RRN3: variants seen among roughly 807,000 people sequenced by gnomAD.
RRN3 encodes RNA polymerase I-specific transcription initiation factor RRN3.
In RRN3, 38 loss-of-function variants were observed where a neutral mutation model predicts 82.3. The observed-to-expected ratio is 0.46, with a 90% CI of 0.36 to 0.61. RRN3 has a LOEUF of 0.61. Ranked by LOEUF, RRN3 falls within the 20% of genes least tolerant of loss-of-function variation. The probability of loss-of-function intolerance (pLI) is 0.00; values close to 1 mark genes in which losing one functional copy is unlikely to be tolerated. For synonymous variants in RRN3, 284 were observed against 284.3 expected (o/e 1.00, Z 0.01); for missense variants, 726 against 793.1 (o/e 0.92, Z 1.02).
chr16:15,082,991 A>G (rs1248362726), intron 8 of RRN3, among the ~76,000 whole-genome samples: 3 of 151,922 alleles, frequency 2.0e-5, no homozygotes, highest in Non-Finnish European at 1.5e-5. Flanking sequence ...CTTGACTTGC[A>G]CATAGTAATA....
At position 15,092,614 on chromosome 16, in the gene RRN3, C is replaced by T. The variant is rs1212272693; in HGVS notation, c.90G>A (p.Gly30=). The stretch of plus-strand genomic sequence containing the variant: ...TCTCTAATGCACGCATATTTGAAAT[C>T]CTGTGGAACCAAGATTAACAAGCTA... ...AVKKLGASRT[G]ISNMRALEND... Residue 30 remains glycine, a splice_region_variant and synonymous_variant, in exon 2 of 18, where the codon GGG becomes GGA. Transcript: ENST00000198767. 1 of 1,572,722 alleles carries T rather than the reference C, an allele frequency of 6.4e-7. No individual in the cohort carries two copies. Among genetic ancestry groups the T allele is most frequent in the Admixed American group, 1.7e-5 (1 of 59,288 alleles).
chr16:15,083,609 A>T (rs1053453580), intron 7 of RRN3, 27 bp from the exon 8 acceptor site: 1 of 1,587,470 alleles, frequency 6.3e-7, no homozygotes, highest in Non-Finnish European at 8.6e-7. Flanking sequence ...AAATCAATCC[A>T]TGTTAACTTT....
chr16:15,092,122 T>C (rs1208604563), intron 2 of RRN3, among the ~76,000 whole-genome samples: 2 of 152,118 alleles, frequency 1.3e-5, no homozygotes, highest in Non-Finnish European at 2.9e-5. Flanking sequence ...GAGGATGCAG[T>C]GAGCCGAGGT....
At chr16:15,081,269 A>G (rs1485192376) in intron 8 of RRN3, among the ~76,000 whole-genome samples, 1 of 152,202 alleles carries the variant, frequency 6.6e-6, no homozygotes, top group Non-Finnish European at 1.5e-5. Context: ...TTAATTCTAC[A>G]TTTAACCTTG....
At chr16:15,089,101 G>T (rs899254621) in intron 3 of RRN3, among the ~76,000 whole-genome samples, 1 of 151,938 alleles carries the variant, frequency 6.6e-6, no homozygotes, top group African/African-American at 2.4e-5. Flanking sequence ...TCAGGAGTTC[G>T]AGAGCAGCCT....
rs370536448 is a variant in RRN3, at chr16:15,061,859, G to A, written c.1841C>T (p.Pro614Leu). The A allele has an allele frequency of 5.0e-6, 8 of 1,613,682 alleles. No individual in the cohort carries two copies. Among genetic ancestry groups the A allele is most frequent in the Admixed American group, 1.7e-5 (1 of 60,024 alleles). The stretch of plus-strand genomic sequence containing the variant: ...GATCCCAATCACGGTATCATTCTGG[G>A]GCACTTCGCCTTTCAGAAAGTCATC... The part of the protein sequence containing the change: ...EDDDFLKGEV[P>L]QNDTVIGITP... Residue 614 changes from proline to leucine, a missense_variant, in exon 18 of 18, where the codon CCC (proline) becomes CTC (leucine). By Grantham distance (98) the Pro-to-Leu change is moderately conservative. Transcript: ENST00000198767.
chr16:15,083,785 C>A, intron 7 of RRN3: 1 of 565,002 alleles, frequency 1.8e-6, no homozygotes, highest in Non-Finnish European at 3.0e-6. Context: ...GGCGCAATCT[C>A]AGCTCACTGC....
At chr16:15,063,310 T>C in intron 16 of RRN3, 27 bp from the exon 17 acceptor site, 1 of 1,526,060 alleles carries the variant, frequency 6.6e-7, no homozygotes, top group Non-Finnish European at 9.1e-7. Context: ...CATTTCAAAG[T>C]CAAGTTAAAT....
intron 8 of RRN3, among the ~76,000 whole-genome samples, chr16:15,080,590 C>A (rs2045657451): frequency 6.6e-6 from 1 of 152,142 alleles, no homozygotes. Flanking sequence ...CACACCACCA[C>A]ATGAGGTTAA....
At position 15,094,184 on chromosome 16, in the gene RRN3, G is replaced by C. The variant is rs142932327; in HGVS notation, c.50C>G (p.Ser17Trp). The C allele has an allele frequency of 8.7e-6, 14 of 1,601,958 alleles. No homozygotes were observed. The highest frequency in any genetic ancestry group is 1.1e-5 in the Non-Finnish European group (13 of 1,174,686). ...GCCCAGCTTCTTAACTGCAGAGGAC[G>C]AAGCGGCCGCATCTCCCGGCAAACG... ...HTRLPGDAAA[S>W]SSAVKKLGAS... The change falls in exon 1 of 18, where the codon TCG (serine) becomes TGG (tryptophan). Residue 17 changes from serine to tryptophan, a missense_variant. Physicochemically the swap from Ser to Trp is radical, Grantham distance 177. Coordinates refer to ENST00000198767, the MANE Select transcript of RRN3 (RefSeq NM_018427.5).
chr16:15,060,311 C>A lies in RRN3; in HGVS notation c.*1433G>T. 4.3e-6 allele frequency: 1 copy of A among 231,510 alleles called. No individual in the cohort carries two copies. Among genetic ancestry groups the A allele is most frequent in the South Asian group, 4.4e-5 (1 of 22,636 alleles). 14.3% of individuals were successfully genotyped at this position (231,510 alleles called of 1,614,324 possible). On this transcript the variant is annotated 3_prime_UTR_variant, in exon 18 of 18. Transcript: ENST00000198767. ...CTTAAAGTTCTCAAATTACTTTCCA[C>A]CAAACCCGGAAAAGAAAACCACCCA...
Position 15,080,213 on chromosome 16 carries a change from G to A in RRN3, c.667-117C>T, listed in dbSNP as rs1276901589. The A allele has an allele frequency of 3.9e-6, 5 of 1,292,796 alleles. No individual in the cohort carries two copies. The East Asian group carries it at 8.0e-5, about 21-fold the overall frequency. 80.1% of individuals were successfully genotyped at this position (1,292,796 alleles called of 1,614,324 possible). Reference sequence around the variant, plus strand: ...TCAAATATTTAAAAAGAAAAAAACAGACTATCCAGCAATACAAAAACTATA... The same window carrying A: ...TCAAATATTTAAAAAGAAAAAAACAAACTATCCAGCAATACAAAAACTATA... On this transcript the variant is annotated intron_variant, in intron 8 of 17. Transcript: ENST00000198767.
At chr16:15,064,408 C>G (rs1385331498) in intron 16 of RRN3, among the ~76,000 whole-genome samples, 1 of 152,152 alleles carries the variant, frequency 6.6e-6, no homozygotes, top group South Asian at 2.1e-4. Flanking sequence ...CTCCTGACTT[C>G]AAGTGATCCG....
chr16:15,093,450 G>C (rs1380221401), intron 1 of RRN3, among the ~76,000 whole-genome samples: 3 of 152,162 alleles, frequency 2.0e-5, no homozygotes, highest in Non-Finnish European at 2.9e-5. Context: ...ATTGGCCTAT[G>C]TACTGCCTTT....
chr16:15,075,925 T>C (rs757294669), intron 10 of RRN3, among the ~76,000 whole-genome samples: 7 of 152,044 alleles, frequency 4.6e-5, no homozygotes, highest in Admixed American at 3.9e-4. Flanking sequence ...AGGACCACCC[T>C]TGCACTCTTT....
chr16:15,068,713 G>A (rs2045087591), intron 14 of RRN3, among the ~76,000 whole-genome samples: 1 of 152,238 alleles, frequency 6.6e-6, no homozygotes, highest in Non-Finnish European at 1.5e-5. Flanking sequence ...CAGGTGCACA[G>A]TAGTCATCTG....
Position 15,086,269 on chromosome 16 carries a change from G to A in RRN3, c.343-11C>T. On this transcript the variant is annotated splice_polypyrimidine_tract_variant and intron_variant, in intron 4 of 17. Transcript: ENST00000198767. ...CAACCAAGGCAATCTCTAGAGTGGG[G>A]GAAGAAAGATAAAAGCAGCATGTTA... 1 of 1,557,966 alleles carries A rather than the reference G, an allele frequency of 6.4e-7. No individual in the cohort carries two copies. Among genetic ancestry groups the A allele is most frequent in the African/African-American group, 1.4e-5 (1 of 72,274 alleles).
chr16:15,075,531 C>T (rs1462118264), intron 10 of RRN3, among the ~76,000 whole-genome samples: 1 of 150,798 alleles, frequency 6.6e-6, no homozygotes, highest in Non-Finnish European at 1.5e-5. Flanking sequence ...AGATCACACA[C>T]TGCCACACTC....
intron 11 of RRN3, among the ~76,000 whole-genome samples, 170 bp from the exon 12 acceptor site, chr16:15,073,250 G>A (rs1368588921): frequency 6.6e-6 from 1 of 152,124 alleles, no homozygotes; most frequent in Non-Finnish European, 1.5e-5. Flanking sequence ...AGGGAGCCCG[G>A]GAGTTCAAGG....
Sources: allele counts gnomAD v4.1 joint callset (sites outside exome capture counted in the v4.1 genomes callset), GRCh38; gene constraint gnomAD v4.1.1; transcripts MANE v1.5; gene names NCBI Gene and HGNC (gene_info 2026-07-23, HGNC 2026-07-21).